STK32B: variants seen among roughly 807,000 people sequenced by gnomAD.
STK32B encodes the protein serine/threonine kinase 32B.
Under a neutral mutation model 52.6 loss-of-function variants are expected in STK32B, and 43 were observed. That is an observed-to-expected ratio of 0.82 (90% CI 0.64 to 1.05). The LOEUF (loss-of-function observed/expected upper bound fraction) is 1.05. STK32B is among the 50% of genes least tolerant of loss of function. The probability of loss-of-function intolerance (pLI) is 0.00; values close to 1 mark genes in which losing one functional copy is unlikely to be tolerated. For missense variants in STK32B, 621 were observed against 534.6 expected (o/e 1.16, Z -1.59); for synonymous variants, 238 against 204.3 (o/e 1.17, Z -1.41).
intron 6 of STK32B, among the ~76,000 whole-genome samples, chr4:5,420,232 A>G (rs1712507693): frequency 6.6e-6 from 1 of 152,176 alleles, no homozygotes; most frequent in Non-Finnish European, 1.5e-5. Flanking sequence ...ACTCCTTTTT[A>G]GCAAAAATAC....
chr4:5,183,216 G>A (rs1038056751), intron 3 of STK32B, among the ~76,000 whole-genome samples: 6 of 152,054 alleles, frequency 3.9e-5, no homozygotes, highest in Admixed American at 3.9e-4. Context: ...GGTGGCTCAC[G>A]CCTGTAATCC....
At chr4:5,141,902 T>A (rs1216032612) in intron 2 of STK32B, among the ~76,000 whole-genome samples, 1 of 152,110 alleles carries the variant, frequency 6.6e-6, no homozygotes, top group Non-Finnish European at 1.5e-5. Context: ...GTGTATCACA[T>A]CTTCACACAA....
At chr4:5,124,613 G>A (rs1371857241) in intron 1 of STK32B, among the ~76,000 whole-genome samples, 1 of 152,188 alleles carries the variant, frequency 6.6e-6, no homozygotes, top group Non-Finnish European at 1.5e-5. Flanking sequence ...GATATAAAGG[G>A]TCTCAATGAG....
In STK32B at chr4:5,058,815, G is replaced by A. The variant is rs1320525134; in HGVS notation, c.52+6900G>A. On this transcript the variant is annotated intron_variant, in intron 1 of 11. Coordinates refer to ENST00000282908, the MANE Select transcript of STK32B (RefSeq NM_018401.3). The surrounding 1 kb of genome is among the most constrained non-coding windows in gnomAD (Gnocchi z 4.8). Reference sequence around the variant, plus strand: ...TCCCAGGATGGAGTGCAGTGGCGTGGTATCAGCTCACTGCAACCTCTGCCT... The same window carrying A: ...TCCCAGGATGGAGTGCAGTGGCGTGATATCAGCTCACTGCAACCTCTGCCT... 6.6e-6 allele frequency among the ~76,000 whole-genome samples: 1 copy of A among 151,958 alleles called. No homozygotes were observed. The highest frequency in any genetic ancestry group is 6.6e-5 in the Admixed American group (1 of 15,256).
intron 3 of STK32B, among the ~76,000 whole-genome samples, chr4:5,307,546 A>ATTTTTTTTT (rs769423490): frequency 3.1e-5 from 4 of 131,098 alleles, no homozygotes; most frequent in African/African-American, 3.4e-5. Context: ...CATATGCTCT[A>ATTTTTTTTT]TCTTTTTTTT....
chr4:5,330,539 C>T (rs1732164439), intron 3 of STK32B, among the ~76,000 whole-genome samples: 1 of 152,198 alleles, frequency 6.6e-6, no homozygotes, highest in African/African-American at 2.4e-5. Flanking sequence ...GGCTGTTCTT[C>T]TGCTCCATGT....
chr4:5,200,827 C>T (rs1722080814), intron 3 of STK32B, among the ~76,000 whole-genome samples: 1 of 152,082 alleles, frequency 6.6e-6, no homozygotes, highest in Non-Finnish European at 1.5e-5. Flanking sequence ...GTCATGGGTC[C>T]CCATTCCTCA....
At chr4:5,107,717 G>A (rs1714182564) in intron 1 of STK32B, among the ~76,000 whole-genome samples, 1 of 152,214 alleles carries the variant, frequency 6.6e-6, no homozygotes, top group Non-Finnish European at 1.5e-5. Context: ...CAGAATGGCA[G>A]AATAAATGTT....
intron 3 of STK32B, among the ~76,000 whole-genome samples, chr4:5,325,173 A>T (rs889299267): frequency 6.6e-6 from 1 of 152,182 alleles, no homozygotes; most frequent in Non-Finnish European, 1.5e-5. Flanking sequence ...ACATCATGCA[A>T]AAAATTCCTG....
rs535682556 is a variant in STK32B at position 5,053,466 on chromosome 4, T to C, written c.52+1551T>C. On this transcript the variant is annotated intron_variant, in intron 1 of 11. Coordinates refer to ENST00000282908, the MANE Select transcript of STK32B (RefSeq NM_018401.3). ...TGGTTCTAGCCTGGGTCAAAGGTCA[T>C]GCTTTTGCTAATTTTCCTAGCATCT... Among the ~76,000 whole-genome samples the C allele has an allele frequency of 1.2e-4, 19 of 152,354 alleles. 1 individual carries two copies. The South Asian group carries it at 2.7e-3, about 22-fold the overall frequency.
In STK32B at chr4:5,182,678, C is replaced by T. The variant is rs185126847; in HGVS notation, c.260+14228C>T. On this transcript the variant is annotated intron_variant, in intron 3 of 11. Transcript: ENST00000282908. ...TTCACCATGTTGGCCAGGCTGGTCTCGAACTCCTGACCTCAGGTAATCTGC... is the reference window on the plus strand; with the variant it reads ...TTCACCATGTTGGCCAGGCTGGTCTTGAACTCCTGACCTCAGGTAATCTGC... Among the ~76,000 whole-genome samples the T allele has an allele frequency of 6.1e-3, 933 of 152,114 alleles. 5 individuals are homozygous for T. Among genetic ancestry groups the T allele is most frequent in the Non-Finnish European group, 9.5e-3 (649 of 68,014 alleles).
At chr4:5,448,423 G>A (rs1014369256) in intron 7 of STK32B, among the ~76,000 whole-genome samples, 9 of 152,278 alleles carry the variant, frequency 5.9e-5, no homozygotes, top group South Asian at 2.1e-4. Flanking sequence ...AGAACACACC[G>A]GCATCCGCCA....
intron 11 of STK32B, among the ~76,000 whole-genome samples, chr4:5,480,978 A>G (rs914141032): frequency 2.0e-5 from 3 of 152,096 alleles, no homozygotes; most frequent in Non-Finnish European, 2.9e-5. Flanking sequence ...AATCCAGTCT[A>G]TCATTGTTGG....
At chr4:5,121,265 C>G (rs965978710) in intron 1 of STK32B, among the ~76,000 whole-genome samples, 3 of 152,160 alleles carry the variant, frequency 2.0e-5, no homozygotes, top group Non-Finnish European at 4.4e-5. Context: ...CTTTCTATGG[C>G]TGAGTAGTAT....
At chr4:5,353,557 TAAAAA>T (rs1733982251) in intron 4 of STK32B, among the ~76,000 whole-genome samples, 1 of 141,042 alleles carries the variant, frequency 7.1e-6, no homozygotes, top group Non-Finnish European at 1.5e-5. Flanking sequence ...AAAAAAAAAA[TAAAAA>T]TAAAAAGTGG....
chr4:5,096,621 G>A (rs904279128), intron 1 of STK32B, among the ~76,000 whole-genome samples: 12 of 152,178 alleles, frequency 7.9e-5, no homozygotes, highest in African/African-American at 2.9e-4. Context: ...GACAACCTTA[G>A]TGGTGTTTTT....
chr4:5,319,431 T>TTCCAA (rs1731338793), intron 3 of STK32B, among the ~76,000 whole-genome samples: 1 of 152,192 alleles, frequency 6.6e-6, no homozygotes, highest in Admixed American at 6.5e-5. Flanking sequence ...AACTCAAATC[T>TTCCAA]GACAAGGACT....
intron 1 of STK32B, among the ~76,000 whole-genome samples, chr4:5,114,446 A>G (rs575152997): frequency 2.6e-5 from 4 of 151,956 alleles, no homozygotes; most frequent in East Asian, 3.9e-4. Context: ...CCTGTTTTCT[A>G]TCACGCTCAC....
At chr4:5,112,344 C>T (rs528875092) in intron 1 of STK32B, among the ~76,000 whole-genome samples, 1 of 152,266 alleles carries the variant, frequency 6.6e-6, no homozygotes, top group South Asian at 2.1e-4. Context: ...GAGACTAAGA[C>T]ATCCCAAGGT....
Sources: gnomAD v4.1 joint callset for allele counts (sites outside exome capture counted in the v4.1 genomes callset) on GRCh38, gnomAD v4.1.1 for gene constraint, Gnocchi (gnomAD v3.1) non-coding constraint, MANE v1.5 for transcripts, NCBI Gene and HGNC (gene_info 2026-07-23, HGNC 2026-07-21) for gene names.